PRKCZ: variants seen among roughly 807,000 people sequenced by gnomAD.
PRKCZ encodes protein kinase C zeta.
Under a neutral mutation model 79.5 loss-of-function variants are expected in PRKCZ, and 33 were observed. The ratio of observed to expected loss-of-function variants is 0.41; its 90% CI spans 0.31 to 0.55. The LOEUF is 0.55. Among genes scored for constraint, PRKCZ ranks in the 20% least tolerant of loss-of-function variants. The probability of loss-of-function intolerance (pLI) is 0.19; values close to 1 mark genes in which losing one functional copy is unlikely to be tolerated. For missense variants in PRKCZ, 578 were observed against 813.5 expected (o/e 0.71, Z 3.52); for synonymous variants, 342 against 320.9 (o/e 1.07, Z -0.70).
Position 2,175,204 on chromosome 1 carries a change from G to A in PRKCZ, c.1486-20G>A. ...TCCGGGATGGGGCTGACTTGTCCTTGTTTGAACTCTGACCTCCAGGACCCC... is the reference window on the plus strand; with the variant it reads ...TCCGGGATGGGGCTGACTTGTCCTTATTTGAACTCTGACCTCCAGGACCCC... On this transcript the variant is annotated intron_variant, in intron 15 of 17. Transcript: ENST00000378567. 1 of 1,609,536 alleles carries A rather than the reference G, an allele frequency of 6.2e-7. No homozygotes were observed. The highest frequency in any genetic ancestry group is 2.2e-5 in the East Asian group (1 of 44,858).
At chr1:2,144,028 G>C in intron 5 of PRKCZ, 182 bp from the exon 6 acceptor site, 1 of 781,248 alleles carries the variant, frequency 1.3e-6, no homozygotes, top group Non-Finnish European at 2.0e-6. Flanking sequence ...CCTTGGGATA[G>C]ACCCAAGAGG....
intron 4 of PRKCZ, among the ~76,000 whole-genome samples, chr1:2,107,410 A>G (rs940401716): frequency 6.6e-6 from 1 of 152,184 alleles, no homozygotes; most frequent in African/African-American, 2.4e-5. Flanking sequence ...ACGGCCGCAC[A>G]CACTCCCGTG....
At chr1:2,117,722 T>A (rs1185546515) in intron 4 of PRKCZ, among the ~76,000 whole-genome samples, 1 of 152,232 alleles carries the variant, frequency 6.6e-6, no homozygotes, top group Non-Finnish European at 1.5e-5. Flanking sequence ...AGGTTCTATT[T>A]TATTCCTAGT....
intron 4 of PRKCZ, among the ~76,000 whole-genome samples, chr1:2,071,759 C>T (rs577697443): frequency 3.3e-5 from 5 of 152,226 alleles, no homozygotes; most frequent in Non-Finnish European, 4.4e-5. Context: ...AGGATAAATG[C>T]GTATTTCCTG....
At chr1:2,080,637 T>C (rs1420813681) in intron 4 of PRKCZ, among the ~76,000 whole-genome samples, 1 of 152,196 alleles carries the variant, frequency 6.6e-6, no homozygotes, top group Non-Finnish European at 1.5e-5. Context: ...TGCTCCCTCC[T>C]GGTCAGCGTA....
intron 4 of PRKCZ, among the ~76,000 whole-genome samples, chr1:2,085,088 C>T (rs1384822914): frequency 7.9e-5 from 12 of 151,860 alleles, no homozygotes; most frequent in Admixed American, 7.9e-4. Context: ...CGACAAGGTG[C>T]TGTGTCCCTG....
intron 4 of PRKCZ, among the ~76,000 whole-genome samples, chr1:2,070,629 G>C (rs768080104): frequency 2.2e-4 from 34 of 152,190 alleles, no homozygotes; most frequent in Non-Finnish European, 4.0e-4. Context: ...GGGCTCTCCC[G>C]GGCCGGTGGT....
intron 1 of PRKCZ, among the ~76,000 whole-genome samples, chr1:2,052,886 G>C (rs577181909): frequency 6.6e-6 from 1 of 152,206 alleles, no homozygotes; most frequent in African/African-American, 2.4e-5. Context: ...ACCCCCATGG[G>C]GCATGGCCAC....
At chr1:2,123,736 G>A (rs369101903) in intron 4 of PRKCZ, among the ~76,000 whole-genome samples, 2 of 12,988 alleles carry the variant, frequency 1.5e-4, no homozygotes, top group African/African-American at 4.2e-4. Flanking sequence ...TCACGGTGGT[G>A]GTTAGGGTCA....
At chr1:2,092,209 T>C (rs1231642161) in intron 4 of PRKCZ, among the ~76,000 whole-genome samples, 1 of 146,432 alleles carries the variant, frequency 6.8e-6, no homozygotes, top group Non-Finnish European at 1.5e-5. Flanking sequence ...CCCGCCGCCC[T>C]CCCCCTGTTT....
rs754404745 is a variant in PRKCZ, at chr1:2,059,524, TTCTC to T, written c.284-11_284-8del. 4.6e-5 allele frequency: 75 copies of T among 1,614,080 alleles called. No homozygotes were observed. The South Asian group carries it at 7.9e-4, about 17-fold the overall frequency. On this transcript the variant is annotated splice_polypyrimidine_tract_variant and intron_variant, in intron 3 of 17. Coordinates refer to ENST00000378567, the MANE Select transcript of PRKCZ (RefSeq NM_002744.6). ...GCCGCAGGGTCTTGACGCTGTCTCTTTCTCTCTCTTGTCCAGTTTTCCCGAGCAC... is the reference window on the plus strand; with the variant it reads ...GCCGCAGGGTCTTGACGCTGTCTCTTTCTCTTGTCCAGTTTTCCCGAGCAC...
Sources: gnomAD v4.1 joint callset for allele counts (sites outside exome capture counted in the v4.1 genomes callset) on GRCh38, gnomAD v4.1.1 for gene constraint, MANE v1.5 for transcripts, NCBI Gene and HGNC (gene_info 2026-07-23, HGNC 2026-07-21) for gene names.